The following CNGB3 variants were observed in gnomAD, a reference collection of about 807,000 sequenced individuals.
The protein encoded by CNGB3 is cyclic nucleotide gated channel subunit beta 3, also known as cyclic nucleotide-gated channel beta-3.
CNGB3 carries 86 observed loss-of-function variants against 92.8 expected under a neutral mutation model. The ratio of observed to expected loss-of-function variants is 0.93; its 90% CI spans 0.78 to 1.11. The LOEUF is 1.11. Among genes scored for constraint, CNGB3 ranks in the 50% least tolerant of loss-of-function variants. The pLI is 0.00. For missense variants in CNGB3, 1,026 were observed against 956.8 expected, an observed-to-expected ratio of 1.07 and a Z score of -0.95; for synonymous variants, 333 against 332.7, an observed-to-expected ratio of 1.00 and a Z score of -0.01.
intron 15 of CNGB3, among the ~76,000 whole-genome samples, chr8:86,592,701 C>T (rs1430784035): frequency 6.6e-6 from 1 of 152,134 alleles, no homozygotes; most frequent in Non-Finnish European, 1.5e-5. Context: ...AGAATTATTT[C>T]CATATATATA....
At chr8:86,739,243 T>C (rs373312423) in intron 2 of CNGB3, among the ~76,000 whole-genome samples, 179 of 152,240 alleles carry the variant, frequency 1.2e-3, no homozygotes, top group African/African-American at 4.2e-3. Context: ...GAGGTGTGAG[T>C]GCTAAACCTT....
intron 11 of CNGB3, among the ~76,000 whole-genome samples, chr8:86,631,899 C>T (rs1186393373): frequency 6.6e-6 from 1 of 152,108 alleles, no homozygotes. Flanking sequence ...TTGTTTCTCC[C>T]ACGGTTAGAG....
At chr8:86,600,494 G>GTC (rs1822270654) in intron 15 of CNGB3, among the ~76,000 whole-genome samples, 1 of 152,138 alleles carries the variant, frequency 6.6e-6, no homozygotes. Context: ...TTGCTGAAGA[G>GTC]CTGTTGCAAA....
intron 3 of CNGB3, among the ~76,000 whole-genome samples, chr8:86,687,615 G>C (rs1431516711): frequency 6.6e-6 from 1 of 152,022 alleles, no homozygotes; most frequent in Non-Finnish European, 1.5e-5. Context: ...AGACAGAGGT[G>C]GCAGTTGCGC....
intron 2 of CNGB3, among the ~76,000 whole-genome samples, chr8:86,737,037 T>C (rs915645644): frequency 1.3e-5 from 2 of 152,200 alleles, no homozygotes; most frequent in African/African-American, 4.8e-5. Context: ...GATAAGTCAA[T>C]GCTGATTTTC....
intron 3 of CNGB3, among the ~76,000 whole-genome samples, chr8:86,700,161 TG>T (rs1824526906): frequency 2.0e-5 from 3 of 152,176 alleles, no homozygotes; most frequent in African/African-American, 7.2e-5. Context: ...TGAGAAGCAA[TG>T]TTTTTTTTAA....
chr8:86,699,740 C>A (rs957992313), intron 3 of CNGB3, among the ~76,000 whole-genome samples: 2 of 152,092 alleles, frequency 1.3e-5, no homozygotes, highest in Non-Finnish European at 1.5e-5. Context: ...TGTATTAGAT[C>A]CCTTTTGCCA....
At chr8:86,709,910 A>G (rs1221533320) in intron 3 of CNGB3, among the ~76,000 whole-genome samples, 1 of 152,204 alleles carries the variant, frequency 6.6e-6, no homozygotes, top group Non-Finnish European at 1.5e-5. Flanking sequence ...GGAATCTACT[A>G]GAATAAAGCA....
chr8:86,637,738 T>C (rs930451028), intron 10 of CNGB3, among the ~76,000 whole-genome samples: 1 of 152,128 alleles, frequency 6.6e-6, no homozygotes, highest in Non-Finnish European at 1.5e-5. Flanking sequence ...GAGAGTTTAT[T>C]GTTAGTGTGT....
intron 15 of CNGB3, chr8:86,594,267 G>C (rs536865951): frequency 7.7e-6 from 2 of 261,426 alleles, no homozygotes; most frequent in African/African-American, 4.6e-5. Flanking sequence ...GTGAGCTTTC[G>C]GATGCCCTCC....
intron 3 of CNGB3, among the ~76,000 whole-genome samples, chr8:86,724,226 A>G (rs1825019575): frequency 6.6e-6 from 1 of 152,210 alleles, no homozygotes; most frequent in African/African-American, 2.4e-5. Context: ...TTGCCATCTC[A>G]GGATAGTGAT....
In CNGB3 at chr8:86,717,147, C is replaced by G. The variant is rs547222328; in HGVS notation, c.338+9384G>C. Among the ~76,000 whole-genome samples, 19 of 152,190 alleles carry G rather than the reference C, an allele frequency of 1.2e-4. No homozygotes were observed. The East Asian group carries it at 3.7e-3, about 29-fold the overall frequency. On this transcript the variant is annotated intron_variant, in intron 3 of 17. Transcript: ENST00000320005. ...GGAACATTATATAATGGTAGAAGGA[C>G]TAGTCCAAGAGGAAAATACCACAAT...
intron 3 of CNGB3, among the ~76,000 whole-genome samples, chr8:86,725,382 A>C (rs1204460269): frequency 2.6e-5 from 4 of 152,196 alleles, no homozygotes; most frequent in African/African-American, 9.6e-5. Flanking sequence ...ATAGGACTGA[A>C]AATAATTCTG....
chr8:86,679,518 C>CTTTCTT (rs754680291), intron 3 of CNGB3, among the ~76,000 whole-genome samples: 1 of 127,288 alleles, frequency 7.9e-6, no homozygotes, highest in African/African-American at 2.6e-5. Flanking sequence ...TTCTTTCTTT[C>CTTTCTT]TTTCTTTTTC....
intron 6 of CNGB3, among the ~76,000 whole-genome samples, chr8:86,663,901 C>T (rs945472408): frequency 6.6e-6 from 1 of 152,162 alleles, no homozygotes; most frequent in Non-Finnish European, 1.5e-5. Context: ...GGTTTTAACA[C>T]TTCATTGTGT....
intron 11 of CNGB3, among the ~76,000 whole-genome samples, chr8:86,629,652 G>A (rs1050412656): frequency 6.6e-6 from 1 of 152,148 alleles, no homozygotes; most frequent in African/African-American, 2.4e-5. Context: ...TGTTTAGACA[G>A]ATAAAATCAA....
At chr8:86,733,289 G>T (rs1825190879) in intron 2 of CNGB3, among the ~76,000 whole-genome samples, 1 of 152,040 alleles carries the variant, frequency 6.6e-6, no homozygotes, top group African/African-American at 2.4e-5. Flanking sequence ...TTTTTTATGG[G>T]TGTGTGGTAT....
At chr8:86,713,601 G>A (rs1824791218) in intron 3 of CNGB3, among the ~76,000 whole-genome samples, 1 of 152,098 alleles carries the variant, frequency 6.6e-6, no homozygotes, top group African/African-American at 2.4e-5. Context: ...TCCATCCTAT[G>A]AGTGTGGAAT....
At chr8:86,657,761 C>T in intron 6 of CNGB3, 1 of 480,882 alleles carries the variant, frequency 2.1e-6, no homozygotes, top group Non-Finnish European at 4.2e-6. Flanking sequence ...GCAGCTCCAG[C>T]AGCTTCACCT....
Sources: allele counts gnomAD v4.1 joint callset (sites outside exome capture counted in the v4.1 genomes callset), GRCh38; gene constraint gnomAD v4.1.1; transcripts MANE v1.5; gene names NCBI Gene and HGNC (gene_info 2026-07-23, HGNC 2026-07-21).